The following PKNOX2 variants were observed in gnomAD, a reference collection of about 807,000 sequenced individuals.
PKNOX2 encodes the protein PBX/knotted 1 homeobox 2.
In PKNOX2, 14 loss-of-function variants were observed where a neutral mutation model predicts 53.1. The observed-to-expected ratio is 0.26, with a 90% CI of 0.17 to 0.41. The LOEUF (loss-of-function observed/expected upper bound fraction) is 0.41, where lower values mean the gene tolerates loss of function less well. PKNOX2 is among the 10% of genes least tolerant of loss of function. PKNOX2 has a pLI of 1.00. For missense variants in PKNOX2, 496 were observed against 602.8 expected, an observed-to-expected ratio of 0.82 and a Z score of 1.85; for synonymous variants, 257 against 242.8, an observed-to-expected ratio of 1.06 and a Z score of -0.54.
intron 2 of PKNOX2, among the ~76,000 whole-genome samples, chr11:125,303,213 T>C (rs1948194586): frequency 6.6e-6 from 1 of 152,256 alleles, no homozygotes; most frequent in Non-Finnish European, 1.5e-5. Context: ...TTTTGAATTT[T>C]GCTTTTCAAT....
intron 2 of PKNOX2, among the ~76,000 whole-genome samples, chr11:125,292,680 G>T (rs1947377632): frequency 6.6e-6 from 1 of 152,166 alleles, no homozygotes; most frequent in Non-Finnish European, 1.5e-5. Flanking sequence ...CACTCACGAG[G>T]CTGGCTGCAG....
intron 4 of PKNOX2, among the ~76,000 whole-genome samples, chr11:125,360,711 A>G (rs1252486383): frequency 5.3e-5 from 8 of 152,232 alleles, no homozygotes; most frequent in African/African-American, 1.9e-4. Context: ...GAGAAACAAC[A>G]GCAGCCAGCT....
chr11:125,317,487 T>C (rs1289110982), intron 2 of PKNOX2, among the ~76,000 whole-genome samples: 1 of 152,258 alleles, frequency 6.6e-6, no homozygotes, highest in African/African-American at 2.4e-5. Flanking sequence ...ATCTGTGGGC[T>C]GCAGAATGGA....
intron 10 of PKNOX2, among the ~76,000 whole-genome samples, chr11:125,418,680 C>T (rs760284752): frequency 4.6e-5 from 7 of 151,998 alleles, no homozygotes; most frequent in Non-Finnish European, 1.0e-4. Flanking sequence ...CTGCGCAGAG[C>T]ATTGTGTTAA....
chr11:125,293,489 A>G (rs544787505), intron 2 of PKNOX2, among the ~76,000 whole-genome samples: 2 of 151,960 alleles, frequency 1.3e-5, no homozygotes, highest in South Asian at 2.1e-4. Context: ...TTGGGAAGAG[A>G]TCTTCCTTTT....
At chr11:125,391,384 A>G (rs1954042410) in intron 6 of PKNOX2, among the ~76,000 whole-genome samples, 1 of 152,362 alleles carries the variant, frequency 6.6e-6, no homozygotes, top group Middle Eastern at 3.4e-3. Flanking sequence ...CGATCCTACA[A>G]GAGAGGCACA....
At chr11:125,224,129 A>T (rs1015534450) in intron 1 of PKNOX2, among the ~76,000 whole-genome samples, 1 of 152,160 alleles carries the variant, frequency 6.6e-6, no homozygotes, top group Non-Finnish European at 1.5e-5. Flanking sequence ...CTTCTGATGG[A>T]TGTCTCAGGC....
intron 5 of PKNOX2, among the ~76,000 whole-genome samples, chr11:125,372,185 C>T (rs748393214): frequency 1.3e-5 from 2 of 152,266 alleles, no homozygotes; most frequent in South Asian, 4.2e-4. Context: ...AAACGTCTCT[C>T]GAGGCGGGGA....
At chr11:125,222,027 A>G (rs1226907357) in intron 1 of PKNOX2, among the ~76,000 whole-genome samples, 1 of 152,212 alleles carries the variant, frequency 6.6e-6, no homozygotes, top group African/African-American at 2.4e-5. Context: ...TGTTGATGAG[A>G]ATCATGCCTT....
At chr11:125,414,198 G>C (rs1955737400) in intron 10 of PKNOX2, among the ~76,000 whole-genome samples, 1 of 152,202 alleles carries the variant, frequency 6.6e-6, no homozygotes, top group Non-Finnish European at 1.5e-5. Context: ...AAGAGAGGAA[G>C]TAGTAGCTGA....
intron 1 of PKNOX2, among the ~76,000 whole-genome samples, chr11:125,222,629 G>GTGTGTTCA (rs1555120664): frequency 6.7e-6 from 1 of 149,570 alleles, no homozygotes; most frequent in African/African-American, 2.5e-5. Flanking sequence ...GTGTATGTGT[G>GTGTGTTCA]TGTGTATGTG....
chr11:125,351,168 C>T (rs1951287481), intron 3 of PKNOX2, 116 bp from the exon 4 acceptor site: 4 of 709,224 alleles, frequency 5.6e-6, no homozygotes, highest in Admixed American at 4.1e-5. Context: ...GCGTGCAACC[C>T]TTGCCGCATC....
chr11:125,306,147 T>C (rs983232491), intron 2 of PKNOX2, among the ~76,000 whole-genome samples: 7 of 151,824 alleles, frequency 4.6e-5, no homozygotes, highest in African/African-American at 1.5e-4. Context: ...CTCACACCCC[T>C]TCCCACCCCT....
At chr11:125,291,409 C>A (rs1947296976) in intron 2 of PKNOX2, among the ~76,000 whole-genome samples, 1 of 152,110 alleles carries the variant, frequency 6.6e-6, no homozygotes, top group Non-Finnish European at 1.5e-5. Context: ...GCTATGTGAG[C>A]TCCCAGGACC....
At chr11:125,282,220 G>T (rs908893637) in intron 2 of PKNOX2, among the ~76,000 whole-genome samples, 8 of 152,216 alleles carry the variant, frequency 5.3e-5, no homozygotes, top group Admixed American at 2.0e-4. Context: ...AACAAAATTG[G>T]GTTTGAAACT....
intron 7 of PKNOX2, 88 bp from the exon 8 acceptor site, chr11:125,410,108 G>GA: frequency 6.6e-7 from 1 of 1,510,256 alleles, no homozygotes; most frequent in Non-Finnish European, 8.9e-7. Context: ...GGGCAGGCAG[G>GA]AAGGGGAAAG....
chr11:125,290,213 C>T (rs1179006511), intron 2 of PKNOX2, among the ~76,000 whole-genome samples: 3 of 152,128 alleles, frequency 2.0e-5, no homozygotes, highest in Non-Finnish European at 2.9e-5. Context: ...TTGGAGCAGC[C>T]GCAGACAGGT....
intron 1 of PKNOX2, among the ~76,000 whole-genome samples, chr11:125,234,676 T>C (rs1942518364): frequency 1.3e-5 from 2 of 152,110 alleles, no homozygotes. Flanking sequence ...GGTCTTCCAA[T>C]AGGTAGGAGG....
chr11:125,269,746 C>T lies in PKNOX2; in HGVS notation c.-130+34631C>T, dbSNP rs118012132. ...GGTGGTCCAGGTCTCTTCAAGTGCA[C>T]TTGGTAGCATTCATCCAAAAGGATG... On this transcript the variant is annotated intron_variant, in intron 2 of 12. Coordinates refer to ENST00000298282, the MANE Select transcript of PKNOX2 (RefSeq NM_001382323.2). Among the ~76,000 whole-genome samples, 1,263 of 152,298 alleles carry T rather than the reference C, an allele frequency of 8.3e-3. 10 individuals carry two copies. Among genetic ancestry groups the T allele is most frequent in the Non-Finnish European group, 0.014 (925 of 68,022 alleles).
Sources: gnomAD v4.1 joint callset for allele counts (sites outside exome capture counted in the v4.1 genomes callset) on GRCh38, gnomAD v4.1.1 for gene constraint, MANE v1.5 for transcripts, NCBI Gene and HGNC (gene_info 2026-07-23, HGNC 2026-07-21) for gene names.